PPP1R9A: variants seen among roughly 807,000 people sequenced by gnomAD.
PPP1R9A encodes protein phosphatase 1 regulatory subunit 9A, also known as neurabin-1.
Under a neutral mutation model 141.9 loss-of-function variants are expected in PPP1R9A, and 59 were observed. That is an observed-to-expected ratio of 0.42 (90% CI 0.34 to 0.52). The LOEUF is 0.52. PPP1R9A is among the 20% of genes least tolerant of loss of function. The pLI, the probability that PPP1R9A is intolerant of heterozygous loss-of-function variation, is 0.10. For missense variants in PPP1R9A, 1,444 were observed against 1,611.9 expected, an observed-to-expected ratio of 0.90 and a Z score of 1.78; for synonymous variants, 500 against 569.7, an observed-to-expected ratio of 0.88 and a Z score of 1.74.
intron 5 of PPP1R9A, among the ~76,000 whole-genome samples, chr7:95,164,029 C>A (rs183698039): frequency 6.6e-6 from 1 of 152,154 alleles, no homozygotes. Flanking sequence ...TGAGCCACTG[C>A]GCCTGGCCCC....
intron 2 of PPP1R9A, among the ~76,000 whole-genome samples, chr7:95,020,703 A>C (rs950912701): frequency 1.7e-4 from 26 of 151,946 alleles, no homozygotes; most frequent in Non-Finnish European, 2.9e-5. Flanking sequence ...GAGAACATGT[A>C]GTGTTTGGTT....
chr7:95,063,019 G>A (rs1010945400), intron 2 of PPP1R9A, among the ~76,000 whole-genome samples: 1 of 152,130 alleles, frequency 6.6e-6, no homozygotes, highest in African/African-American at 2.4e-5. Flanking sequence ...AGAGCTGAAA[G>A]TCTAATGTGA....
At chr7:95,255,452 A>G (rs751228926) in intron 12 of PPP1R9A, among the ~76,000 whole-genome samples, 23 of 152,182 alleles carry the variant, frequency 1.5e-4, no homozygotes, top group African/African-American at 5.3e-4. Flanking sequence ...ATTTCTGACT[A>G]TTCTACCGTG....
intron 5 of PPP1R9A, among the ~76,000 whole-genome samples, chr7:95,165,793 G>A (rs1831148389): frequency 1.3e-5 from 2 of 152,138 alleles, no homozygotes; most frequent in South Asian, 2.1e-4. Flanking sequence ...ATTGCTGGGA[G>A]AAAACTGATG....
At position 95,295,318 on chromosome 7, in the gene PPP1R9A, T is replaced by A. The variant is rs1038158071; in HGVS notation, c.*5015T>A. On this transcript the variant is annotated 3_prime_UTR_variant, in exon 20 of 20. Transcript: ENST00000433360. ...ATGCACTTATCCTTCTATATGTTTATATATTTTGGTAAAATTGATTTATCA... is the reference window on the plus strand; with the variant it reads ...ATGCACTTATCCTTCTATATGTTTAAATATTTTGGTAAAATTGATTTATCA... 9 of 152,658 alleles carry A rather than the reference T, an allele frequency of 5.9e-5. No homozygotes were observed. The highest frequency in any genetic ancestry group is 1.9e-4 in the African/African-American group (8 of 41,460). The allele number at this position is 152,658 out of a possible 1,614,324, so 9.5% of individuals were successfully genotyped here. A position where few individuals can be genotyped will look rare whatever the true frequency, so the allele number is the denominator to read the frequency against.
At chr7:94,995,128 A>T (rs1057341909) in intron 2 of PPP1R9A, among the ~76,000 whole-genome samples, 46 of 151,614 alleles carry the variant, frequency 3.0e-4, no homozygotes, top group Non-Finnish European at 4.9e-4. Context: ...CTAAGTTGAT[A>T]TTTTTTTTCA....
intron 2 of PPP1R9A, among the ~76,000 whole-genome samples, chr7:95,020,620 C>T: frequency 6.6e-6 from 1 of 152,058 alleles, no homozygotes; most frequent in South Asian, 2.1e-4. Context: ...TAGCCACCAG[C>T]CCCCATCCTG....
intron 5 of PPP1R9A, among the ~76,000 whole-genome samples, chr7:95,177,812 A>G (rs1311450555): frequency 6.6e-6 from 1 of 152,202 alleles, no homozygotes; most frequent in Non-Finnish European, 1.5e-5. Flanking sequence ...GCTTTGTCCA[A>G]CAGGAAAATA....
chr7:95,131,271 C>T (rs1002770891), intron 4 of PPP1R9A, among the ~76,000 whole-genome samples: 1 of 152,108 alleles, frequency 6.6e-6, no homozygotes, highest in Admixed American at 6.6e-5. Flanking sequence ...GGGGAGTTTC[C>T]CTGCAGAAGC....
chr7:95,117,197 A>G (rs943654933), intron 3 of PPP1R9A, among the ~76,000 whole-genome samples: 1 of 152,016 alleles, frequency 6.6e-6, no homozygotes, highest in African/African-American at 2.4e-5. Context: ...CTTTGCCGTC[A>G]TTTTATGGCT....
intron 2 of PPP1R9A, among the ~76,000 whole-genome samples, chr7:94,987,400 A>G (rs1800985741): frequency 6.6e-6 from 1 of 152,236 alleles, no homozygotes; most frequent in Non-Finnish European, 1.5e-5. Flanking sequence ...AGATAAAGTA[A>G]TACTCCTTTT....
At chr7:95,229,146 G>A (rs1157106163) in intron 8 of PPP1R9A, among the ~76,000 whole-genome samples, 2 of 151,844 alleles carry the variant, frequency 1.3e-5, no homozygotes, top group Admixed American at 6.6e-5. Context: ...ATGGCAGGTA[G>A]GAGGGAGAAC....
chr7:95,246,232 C>T (rs1527720), intron 8 of PPP1R9A, among the ~76,000 whole-genome samples: 60,757 of 151,950 alleles, frequency 0.4, 12,567 homozygotes, highest in South Asian at 0.5. Context: ...CAAGAGAGGG[C>T]TGAGGTTTAT....
At chr7:95,096,102 A>G (rs532251557) in intron 2 of PPP1R9A, among the ~76,000 whole-genome samples, 30 of 152,350 alleles carry the variant, frequency 2.0e-4, no homozygotes, top group Admixed American at 1.5e-3. Context: ...TCTTACAGAT[A>G]GTGCTAAACC....
intron 2 of PPP1R9A, among the ~76,000 whole-genome samples, chr7:94,967,351 C>T (rs1188637418): frequency 6.6e-6 from 1 of 152,002 alleles, no homozygotes; most frequent in Non-Finnish European, 1.5e-5. Flanking sequence ...TTCTTGTCTT[C>T]TGCTAGCTTT....
intron 5 of PPP1R9A, among the ~76,000 whole-genome samples, chr7:95,175,829 A>G (rs896080230): frequency 1.3e-5 from 2 of 152,174 alleles, no homozygotes; most frequent in African/African-American, 4.8e-5. Flanking sequence ...ATAACTTCTG[A>G]TGGTCATAAT....
At chr7:94,988,191 A>G (rs1801079694) in intron 2 of PPP1R9A, among the ~76,000 whole-genome samples, 1 of 152,122 alleles carries the variant, frequency 6.6e-6, no homozygotes, top group Non-Finnish European at 1.5e-5. Context: ...GATATTGGGA[A>G]TATGAAGACA....
In PPP1R9A at chr7:95,290,335, C is replaced by T. The variant is rs1385293927; in HGVS notation, c.*32C>T. On this transcript the variant is annotated 3_prime_UTR_variant, in exon 20 of 20. Coordinates refer to ENST00000433360, the MANE Select transcript of PPP1R9A (RefSeq NM_001166160.2). ...CCCTCTTACAGATGATGGAGATGCT[C>T]CAAGAGAAGTCCCCACCTCTTCCTG... 12 of 1,576,918 alleles carry T rather than the reference C, an allele frequency of 7.6e-6. No homozygotes were observed. The highest frequency in any genetic ancestry group is 2.7e-5 in the African/African-American group (2 of 73,404).
chr7:95,033,285 A>G (rs1228211212), intron 2 of PPP1R9A, among the ~76,000 whole-genome samples: 1 of 149,836 alleles, frequency 6.7e-6, no homozygotes, highest in African/African-American at 2.5e-5. Context: ...AAGTGCTGGG[A>G]TTACAGGCAT....
Sources: gnomAD v4.1 joint callset for allele counts (sites outside exome capture counted in the v4.1 genomes callset) on GRCh38, gnomAD v4.1.1 for gene constraint, MANE v1.5 for transcripts, NCBI Gene and HGNC (gene_info 2026-07-23, HGNC 2026-07-21) for gene names.